The following RALGAPA2 variants were observed in gnomAD, a reference collection of about 807,000 sequenced individuals.
RALGAPA2 encodes ral GTPase-activating protein subunit alpha-2.
Under a neutral mutation model 230.4 loss-of-function variants are expected in RALGAPA2, and 139 were observed. The ratio of observed to expected loss-of-function variants is 0.60; its 90% CI spans 0.53 to 0.69. The LOEUF (loss-of-function observed/expected upper bound fraction) is 0.69, where lower values mean the gene tolerates loss of function less well. Among genes scored for constraint, RALGAPA2 ranks in the 30% least tolerant of loss-of-function variants. RALGAPA2 has a pLI of 0.00. For missense variants in RALGAPA2, 2,163 were observed against 2,276.0 expected, an observed-to-expected ratio of 0.95 and a Z score of 1.01; for synonymous variants, 847 against 837.8, an observed-to-expected ratio of 1.01 and a Z score of -0.19.
chr20:20,587,975 T>A (rs1321516599), intron 18 of RALGAPA2, among the ~76,000 whole-genome samples: 1 of 152,092 alleles, frequency 6.6e-6, no homozygotes, highest in Non-Finnish European at 1.5e-5. Flanking sequence ...AAAAATCTGA[T>A]AATAGAAAGT....
rs2062705585 is a variant in RALGAPA2 at position 20,511,556 on chromosome 20, A to G, written c.4857-231T>C. Among the ~76,000 whole-genome samples, 4 of 152,134 alleles carry G rather than the reference A, an allele frequency of 2.6e-5. No individual in the cohort carries two copies. In the South Asian group the frequency reaches 6.2e-4, roughly 24 times the overall value. ...CAGTGACACAGATGGCTCTTTGGTG[A>G]GTATGTGACTTACATGCATGTGCCT... On this transcript the variant is annotated intron_variant, in intron 32 of 39. Transcript: ENST00000202677.
chr20:20,396,683 T>C lies in RALGAPA2; in HGVS notation c.*35+12A>G. ...GGGTGGCTGGACAAATCCACTGAAG[T>C]GTCTGTCTTACCTTGCTCAAATATT... On this transcript the variant is annotated intron_variant, in intron 39 of 39. Transcript: ENST00000202677. 1 of 1,605,164 alleles carries C rather than the reference T, an allele frequency of 6.2e-7. No homozygotes were observed. Among genetic ancestry groups the C allele is most frequent in the Non-Finnish European group, 8.5e-7 (1 of 1,173,250 alleles).
chr20:20,676,194 C>A, intron 3 of RALGAPA2, 42 bp downstream of exon 3: 1 of 1,306,666 alleles, frequency 7.7e-7, no homozygotes, highest in Non-Finnish European at 1.1e-6. Flanking sequence ...ACTTTATTTC[C>A]AACAAGAATT....
At chr20:20,456,850 A>G (rs1318115466) in intron 37 of RALGAPA2, among the ~76,000 whole-genome samples, 1 of 151,086 alleles carries the variant, frequency 6.6e-6, no homozygotes, top group Non-Finnish European at 1.5e-5. Context: ...TTTTTTTTTT[A>G]AGTGACAGTG....
chr20:20,710,010 C>T (rs2069785345), intron 1 of RALGAPA2, among the ~76,000 whole-genome samples: 3 of 152,238 alleles, frequency 2.0e-5, no homozygotes, highest in Admixed American at 2.0e-4. Context: ...CACAATAATC[C>T]TTTAAAAAGC....
chr20:20,588,225 G>A (rs1004767797), intron 18 of RALGAPA2, among the ~76,000 whole-genome samples: 4 of 152,148 alleles, frequency 2.6e-5, no homozygotes, highest in African/African-American at 9.7e-5. Context: ...CAATCTAAAT[G>A]TCAACCAACA....
chr20:20,420,545 G>A (rs2060255257), intron 37 of RALGAPA2, among the ~76,000 whole-genome samples: 1 of 152,302 alleles, frequency 6.6e-6, no homozygotes. Context: ...GCATAACCAG[G>A]AAGGACTATG....
At chr20:20,405,859 C>A (rs964855348) in intron 38 of RALGAPA2, among the ~76,000 whole-genome samples, 1 of 152,186 alleles carries the variant, frequency 6.6e-6, no homozygotes, top group Non-Finnish European at 1.5e-5. Flanking sequence ...TGCATCAGGC[C>A]CACACATCTG....
At chr20:20,707,220 G>A (rs2069642450) in intron 1 of RALGAPA2, among the ~76,000 whole-genome samples, 1 of 152,164 alleles carries the variant, frequency 6.6e-6, no homozygotes, top group African/African-American at 2.4e-5. Flanking sequence ...AGTGAAAATG[G>A]CAGCCTCAAT....
At chr20:20,556,104 T>C (rs2145795809) in intron 23 of RALGAPA2, among the ~76,000 whole-genome samples, 1 of 152,306 alleles carries the variant, frequency 6.6e-6, no homozygotes, top group South Asian at 2.1e-4. Flanking sequence ...TTGCAATATA[T>C]TTTTGCAGCA....
chr20:20,521,535 C>T (rs2063042817), intron 30 of RALGAPA2, among the ~76,000 whole-genome samples: 1 of 151,982 alleles, frequency 6.6e-6, no homozygotes, highest in African/African-American at 2.4e-5. Context: ...ACTCATGACG[C>T]CATAAATTGT....
At chr20:20,436,512 G>A (rs986950492) in intron 37 of RALGAPA2, among the ~76,000 whole-genome samples, 5 of 152,142 alleles carry the variant, frequency 3.3e-5, no homozygotes, top group Non-Finnish European at 7.4e-5. Flanking sequence ...TAAGCGTCAC[G>A]GCAATACATG....
intron 3 of RALGAPA2, among the ~76,000 whole-genome samples, chr20:20,658,478 A>C (rs2067662729): frequency 6.6e-6 from 1 of 152,236 alleles, no homozygotes; most frequent in South Asian, 2.1e-4. Flanking sequence ...TAAGCTACTG[A>C]CATCTTGTTT....
At chr20:20,649,534 A>C (rs1165558425) in intron 4 of RALGAPA2, among the ~76,000 whole-genome samples, 2 of 152,216 alleles carry the variant, frequency 1.3e-5, no homozygotes, top group Non-Finnish European at 2.9e-5. Flanking sequence ...ATGACTCATA[A>C]AAAACATATG....
At chr20:20,484,266 A>C (rs1338532517) in intron 36 of RALGAPA2, among the ~76,000 whole-genome samples, 1 of 152,182 alleles carries the variant, frequency 6.6e-6, no homozygotes, top group Non-Finnish European at 1.5e-5. Flanking sequence ...ACATTTTATA[A>C]ACATTTTATG....
Position 20,635,477 on chromosome 20 carries a change from ACTTTTTTTCC to A in RALGAPA2, c.936_945del (p.Leu312PhefsTer3). ...TTAGTGTTTTGTGTTGCAGTTAGAT[ACTTTTTTTCC>A]AAAAAGAAGGTTACAATCCACTTAA... On this transcript the variant is annotated frameshift_variant, in exon 9 of 40. Transcript: ENST00000202677. LOFTEE classifies it high-confidence loss of function. 6.2e-7 allele frequency: 1 copy of A among 1,602,076 alleles called. No homozygotes were observed. The highest frequency in any genetic ancestry group is 1.1e-5 in the South Asian group (1 of 88,398).
rs1446672715 is a variant in RALGAPA2 at position 20,524,431 on chromosome 20, G to T, written c.3875C>A (p.Ala1292Asp). 1.2e-6 allele frequency: 2 copies of T among 1,613,732 alleles called. No individual in the cohort carries two copies. The highest frequency in any genetic ancestry group is 3.3e-5 in the Admixed American group (2 of 59,982). The change falls in exon 30 of 40, where the codon GCC (alanine) becomes GAC (aspartate). Residue 1292 changes from alanine to aspartate, a missense_variant. By Grantham distance (126) the Ala-to-Asp change is moderately radical (BLOSUM62 -2). Transcript: ENST00000202677. ...CCTGTAGATATAATCCAGCAAGGGG[G>T]CTCTGGCCGAATGCTGCTCCTCTAG... ...AVLEEQHSAR[A>D]PLLDYIYRVL...
intron 13 of RALGAPA2, 105 bp from the exon 14 acceptor site, chr20:20,611,531 A>G: frequency 6.8e-7 from 1 of 1,473,776 alleles, no homozygotes; most frequent in Non-Finnish European, 9.0e-7. Flanking sequence ...ATTGATAATT[A>G]TGTATTACTC....
Position 20,630,784 on chromosome 20 carries a change from G to A in RALGAPA2, c.1006-1194C>T, listed in dbSNP as rs186363137. Among the ~76,000 whole-genome samples, 8 of 152,164 alleles carry A rather than the reference G, an allele frequency of 5.3e-5. No homozygotes were observed. In the East Asian group the frequency reaches 1.4e-3, roughly 26 times the overall value. On this transcript the variant is annotated intron_variant, in intron 9 of 39. Coordinates refer to ENST00000202677, the MANE Select transcript of RALGAPA2 (RefSeq NM_020343.4). Reference sequence around the variant, plus strand: ...CTAACTGTAAGGCAACCCACGCAACGCACTTGGATTTCACATATACACACG... The same window carrying A: ...CTAACTGTAAGGCAACCCACGCAACACACTTGGATTTCACATATACACACG...
Sources: allele counts gnomAD v4.1 joint callset (sites outside exome capture counted in the v4.1 genomes callset), GRCh38; gene constraint gnomAD v4.1.1; transcripts MANE v1.5; gene names NCBI Gene and HGNC (gene_info 2026-07-23, HGNC 2026-07-21).